Variants in TLK2 observed in about 807,000 individuals in gnomAD.
TLK2 encodes the protein tousled like kinase 2.
Under a neutral mutation model 117.3 loss-of-function variants are expected in TLK2, and 6 were observed. That is an observed-to-expected ratio of 0.05 (90% CI 0.03 to 0.10). The LOEUF (loss-of-function observed/expected upper bound fraction) is 0.10. Among genes scored for constraint, TLK2 ranks in the 10% least tolerant of loss-of-function variants. The pLI is 1.00. For missense variants in TLK2, 299 were observed against 901.2 expected, an observed-to-expected ratio of 0.33 and a Z score of 8.56; for synonymous variants, 257 against 316.7, an observed-to-expected ratio of 0.81 and a Z score of 2.00.
intron 21 of TLK2, 169 bp from the exon 22 acceptor site, chr17:62,612,223 C>T (rs2083849409): frequency 4.9e-6 from 3 of 608,706 alleles, no homozygotes; most frequent in Admixed American, 3.4e-5. Context: ...GGTGCTTCTC[C>T]TTCCCTTGTG....
At chr17:62,566,005 G>A (rs908526812) in intron 11 of TLK2, among the ~76,000 whole-genome samples, 8 of 152,168 alleles carry the variant, frequency 5.3e-5, no homozygotes, top group East Asian at 1.9e-4. Flanking sequence ...GTGCAGCTTG[G>A]AATCTTGAAC....
chr17:62,473,500 G>A (rs1168269503), intron 1 of TLK2, among the ~76,000 whole-genome samples: 1 of 152,178 alleles, frequency 6.6e-6, no homozygotes. Flanking sequence ...AGCTTCAGAG[G>A]TTTTCAAAGT....
intron 2 of TLK2, among the ~76,000 whole-genome samples, chr17:62,520,305 A>C (rs983699602): frequency 3.2e-4 from 49 of 152,190 alleles, no homozygotes; most frequent in Admixed American, 6.5e-5. Context: ...CTCTGAGAGT[A>C]CTTGCCTGAG....
At chr17:62,533,944 A>G (rs555108628) in intron 6 of TLK2, among the ~76,000 whole-genome samples, 1 of 152,218 alleles carries the variant, frequency 6.6e-6, no homozygotes, top group Non-Finnish European at 1.5e-5. Flanking sequence ...CATCTTTTTA[A>G]TAAGTTCCCG....
rs562742300 is a variant in TLK2, at chr17:62,516,410, C to T, written c.82-4363C>T. 131 of 1,589,374 alleles carry T rather than the reference C, an allele frequency of 8.2e-5. 1 individual carries two copies. The African/African-American group carries it at 9.8e-4, about 12-fold the overall frequency. On this transcript the variant is annotated intron_variant, in intron 2 of 21. Coordinates refer to ENST00000346027, the MANE Select transcript of TLK2 (RefSeq NM_006852.6). ...CCAGCCCCAGCCTCGGCTTTCTTGT[C>T]GGCACCAGGTAGCACAGCACTCCTC... is the stretch of plus-strand genomic sequence containing the variant.
At chr17:62,591,998 A>T (rs1243947776) in intron 16 of TLK2, among the ~76,000 whole-genome samples, 5 of 150,518 alleles carry the variant, frequency 3.3e-5, no homozygotes, top group Non-Finnish European at 5.9e-5. Flanking sequence ...CTTGTTGCCC[A>T]GGCTGGAGTG....
chr17:62,575,731 C>G (rs918712140), intron 12 of TLK2, among the ~76,000 whole-genome samples: 1 of 151,980 alleles, frequency 6.6e-6, no homozygotes, highest in African/African-American at 2.4e-5. Flanking sequence ...GAGCCTTGCT[C>G]TGTTGCTTGG....
intron 15 of TLK2, among the ~76,000 whole-genome samples, chr17:62,583,869 G>A (rs184981085): frequency 5.3e-5 from 8 of 151,916 alleles, no homozygotes; most frequent in Non-Finnish European, 8.8e-5. Context: ...GAGCCACCAC[G>A]CTGAGCCCCA....
intron 2 of TLK2, 122 bp from the exon 3 acceptor site, chr17:62,520,651 G>A (rs1567840452): frequency 1.0e-5 from 9 of 886,138 alleles, no homozygotes; most frequent in East Asian, 7.2e-5. Flanking sequence ...TATTCCAGCC[G>A]GGGTGATAAC....
chr17:62,570,569 C>G (rs762975137), intron 11 of TLK2, among the ~76,000 whole-genome samples: 7 of 152,182 alleles, frequency 4.6e-5, no homozygotes, highest in Non-Finnish European at 8.8e-5. Context: ...CTGATAGACT[C>G]TCTTTATTCT....
intron 11 of TLK2, 171 bp from the exon 12 acceptor site, chr17:62,573,044 A>G: frequency 7.8e-6 from 5 of 638,842 alleles, no homozygotes; most frequent in Non-Finnish European, 1.3e-5. Context: ...GAAAACATCT[A>G]TCACCAATTA....
At chr17:62,516,648 C>T in intron 2 of TLK2, 2 of 1,610,026 alleles carry the variant, frequency 1.2e-6, no homozygotes, top group Non-Finnish European at 1.7e-6. Context: ...GAAGGTTGGG[C>T]ACATTCTTGT....
At chr17:62,559,458 AGTCTTC>A (rs1276914143) in intron 9 of TLK2, among the ~76,000 whole-genome samples, 2 of 150,860 alleles carry the variant, frequency 1.3e-5, no homozygotes, top group African/African-American at 4.9e-5. Context: ...GGCTCACTGC[AGTCTTC>A]GCCTTTGAGT....
At chr17:62,477,223 T>G (rs147079365), upstream of TLK2, among the ~76,000 whole-genome samples, 415 of 152,336 alleles carry the variant, frequency 2.7e-3, 1 homozygote, top group African/African-American at 9.6e-3. Flanking sequence ...TCTACCGCCC[T>G]AACAGGCAGT....
At chr17:62,581,480 C>G (rs1742678927) in intron 15 of TLK2, among the ~76,000 whole-genome samples, 1 of 150,986 alleles carries the variant, frequency 6.6e-6, no homozygotes, top group African/African-American at 2.4e-5. Flanking sequence ...ACTCTGACAC[C>G]CAGGCTAGAG....
rs149146837 is a variant in TLK2 at position 62,521,691 on chromosome 17, T to C, written c.154-513T>C. On this transcript the variant is annotated intron_variant, in intron 3 of 21. Coordinates refer to ENST00000346027, the MANE Select transcript of TLK2 (RefSeq NM_006852.6). ...TGAGCCACAGTGCCTGGCGAAGACT[T>C]TTTGTTCATTTGCTTAACTATTCAC... 3.5e-3 allele frequency among the ~76,000 whole-genome samples: 526 copies of C among 152,294 alleles called. 6 individuals carry two copies. The highest frequency in any genetic ancestry group is 0.012 in the African/African-American group (510 of 41,572).
chr17:62,541,282 G>T (rs1297490119), intron 7 of TLK2, among the ~76,000 whole-genome samples: 1 of 152,156 alleles, frequency 6.6e-6, no homozygotes, highest in African/African-American at 2.4e-5. Context: ...TGGAATGTAA[G>T]CTCCATCAGG....
At chr17:62,532,080 C>T (rs2076778240) in intron 6 of TLK2, among the ~76,000 whole-genome samples, 1 of 152,142 alleles carries the variant, frequency 6.6e-6, no homozygotes, top group South Asian at 2.1e-4. Context: ...GGCTTTGGTA[C>T]TTCTTTTACC....
chr17:62,526,368 A>G (rs2076366884), intron 6 of TLK2, among the ~76,000 whole-genome samples: 1 of 152,130 alleles, frequency 6.6e-6, no homozygotes, highest in Non-Finnish European at 1.5e-5. Context: ...ATCTCCTGCA[A>G]ACCTCCAGCA....
Sources: allele counts gnomAD v4.1 joint callset (sites outside exome capture counted in the v4.1 genomes callset), GRCh38; gene constraint gnomAD v4.1.1; transcripts MANE v1.5; gene names NCBI Gene and HGNC (gene_info 2026-07-23, HGNC 2026-07-21).